KCNH7: variants seen among roughly 807,000 people sequenced by gnomAD.
KCNH7 encodes potassium voltage-gated channel subfamily H member 7, also known as voltage-gated inwardly rectifying potassium channel KCNH7.
KCNH7 carries 49 observed loss-of-function variants against 120.8 expected under a neutral mutation model. The ratio of observed to expected loss-of-function variants is 0.41; its 90% confidence interval spans 0.32 to 0.51. The LOEUF is 0.51. KCNH7 is among the 20% of genes least tolerant of loss of function. The probability of loss-of-function intolerance (pLI) is 0.38; values close to 1 mark genes in which losing one functional copy is unlikely to be tolerated. For synonymous variants in KCNH7, 547 were observed against 516.1 expected, an observed-to-expected ratio of 1.06 and a Z score of -0.81; for missense variants, 1,097 against 1,446.6, an observed-to-expected ratio of 0.76 and a Z score of 3.92.
chr2:162,489,212 G>T (rs1158551917), intron 6 of KCNH7, among the ~76,000 whole-genome samples: 1 of 152,114 alleles, frequency 6.6e-6, no homozygotes, highest in Non-Finnish European at 1.5e-5. Flanking sequence ...CATACAACAT[G>T]CTTGAAGTAG....
chr2:162,678,457 T>C (rs1685601087), intron 2 of KCNH7, among the ~76,000 whole-genome samples: 1 of 151,428 alleles, frequency 6.6e-6, no homozygotes, highest in African/African-American at 2.4e-5. Context: ...AAAAATATTC[T>C]ATGTCTAATA....
At chr2:162,779,076 T>A (rs1399725494) in intron 2 of KCNH7, among the ~76,000 whole-genome samples, 1 of 152,134 alleles carries the variant, frequency 6.6e-6, no homozygotes, top group Non-Finnish European at 1.5e-5. Context: ...TCAGTTTAAT[T>A]TGTTTTGTTT....
At chr2:162,764,339 T>C (rs1173724797) in intron 2 of KCNH7, among the ~76,000 whole-genome samples, 1 of 152,134 alleles carries the variant, frequency 6.6e-6, no homozygotes, top group Non-Finnish European at 1.5e-5. Flanking sequence ...TCATATTTTA[T>C]ATATGTATTA....
At chr2:162,593,106 C>T (rs566791259) in intron 2 of KCNH7, among the ~76,000 whole-genome samples, 1 of 152,002 alleles carries the variant, frequency 6.6e-6, no homozygotes, top group Non-Finnish European at 1.5e-5. Flanking sequence ...GTCTCTATCA[C>T]TTCATAATCA....
intron 2 of KCNH7, among the ~76,000 whole-genome samples, chr2:162,708,313 G>A (rs1371084297): frequency 6.6e-6 from 1 of 152,024 alleles, no homozygotes; most frequent in Non-Finnish European, 1.5e-5. Context: ...GAAAGTCTTG[G>A]TTTAGTAAAG....
intron 2 of KCNH7, among the ~76,000 whole-genome samples, chr2:162,765,861 A>C (rs1010499568): frequency 6.6e-6 from 1 of 152,052 alleles, no homozygotes; most frequent in Non-Finnish European, 1.5e-5. Context: ...TTGGGCTCAA[A>C]TGATCCTCCG....
At chr2:162,716,696 G>T (rs564293908) in intron 2 of KCNH7, among the ~76,000 whole-genome samples, 1 of 152,146 alleles carries the variant, frequency 6.6e-6, no homozygotes, top group East Asian at 1.9e-4. Context: ...TATACCCAGG[G>T]TATTTTATGC....
chr2:162,809,816 T>G (rs1310780595), intron 2 of KCNH7, among the ~76,000 whole-genome samples: 1 of 152,152 alleles, frequency 6.6e-6, no homozygotes, highest in Non-Finnish European at 1.5e-5. Context: ...TAGAATAACA[T>G]TAACTCATTG....
intron 2 of KCNH7, among the ~76,000 whole-genome samples, chr2:162,756,311 T>C (rs1316191168): frequency 6.6e-6 from 1 of 152,146 alleles, no homozygotes; most frequent in Non-Finnish European, 1.5e-5. Context: ...GGTTTGAATG[T>C]AAACTCTACT....
chr2:162,728,630 T>C (rs1342144825), intron 2 of KCNH7, among the ~76,000 whole-genome samples: 1 of 152,066 alleles, frequency 6.6e-6, no homozygotes, highest in Admixed American at 6.5e-5. Context: ...ACTACAAAAT[T>C]AGCCGGGCTT....
rs954977962 is a variant in KCNH7 at position 162,385,059 on chromosome 2, C to T, written c.2711-120G>A. On this transcript the variant is annotated intron_variant, in intron 12 of 15. Coordinates refer to ENST00000332142, the MANE Select transcript of KCNH7 (RefSeq NM_033272.4). Reference sequence around the variant, plus strand: ...TAGCTTTTTCCTATTGAAAATGTAGCTACTTGGGTACTCAATTTTTTAAAT... The same window carrying T: ...TAGCTTTTTCCTATTGAAAATGTAGTTACTTGGGTACTCAATTTTTTAAAT... 2.5e-5 allele frequency: 17 copies of T among 683,130 alleles called. No homozygotes were observed. The Admixed American group carries it at 5.0e-4, about 20-fold the overall frequency. 42.3% of individuals were successfully genotyped at this position (683,130 alleles called of 1,614,324 possible). A position where few individuals can be genotyped will look rare whatever the true frequency, so the allele number is the denominator to read the frequency against.
At chr2:162,668,800 C>T (rs756806562) in intron 2 of KCNH7, among the ~76,000 whole-genome samples, 39 of 152,022 alleles carry the variant, frequency 2.6e-4, no homozygotes, top group Non-Finnish European at 2.9e-5. Flanking sequence ...AACTATGAGA[C>T]AACTATAATT....
At chr2:162,573,056 AC>A (rs1217479655) in intron 2 of KCNH7, among the ~76,000 whole-genome samples, 27 of 151,940 alleles carry the variant, frequency 1.8e-4, no homozygotes, top group African/African-American at 5.1e-4. Flanking sequence ...ATAATAACAC[AC>A]TTAAAAAAAA....
At chr2:162,539,125 C>T (rs1040740724) in intron 2 of KCNH7, among the ~76,000 whole-genome samples, 3 of 151,960 alleles carry the variant, frequency 2.0e-5, no homozygotes, top group East Asian at 1.9e-4. Flanking sequence ...TGGTAACAAA[C>T]GGGATGACTT....
rs1487509652 is a variant in KCNH7, at chr2:162,783,515, A to G, written c.307+53022T>C. On this transcript the variant is annotated intron_variant, in intron 2 of 15. Transcript: ENST00000332142. ...GTTTTCAGGAAGGCTTTTCTGTAGC[A>G]GACGGAATGTGGTTTTATAGCTTGA... Among the ~76,000 whole-genome samples the G allele has an allele frequency of 3.3e-5, 5 of 152,210 alleles. No homozygotes were observed. In the East Asian group the frequency reaches 9.6e-4, roughly 29 times the overall value.
intron 2 of KCNH7, among the ~76,000 whole-genome samples, chr2:162,809,137 C>T (rs1684646445): frequency 1.3e-5 from 2 of 152,200 alleles, no homozygotes; most frequent in Non-Finnish European, 2.9e-5. Context: ...TTTTCATTGA[C>T]AACATAACAT....
intron 2 of KCNH7, among the ~76,000 whole-genome samples, chr2:162,760,708 G>C (rs1165310023): frequency 6.6e-6 from 1 of 151,978 alleles, no homozygotes; most frequent in Non-Finnish European, 1.5e-5. Context: ...GAAATGTTTA[G>C]TGTTGGTATG....
At position 162,435,669 on chromosome 2, in the gene KCNH7, G is replaced by A. The variant is rs1033554989; in HGVS notation, c.1555-72C>T. 3.5e-6 allele frequency: 5 copies of A among 1,439,306 alleles called. No individual in the cohort carries two copies. The Admixed American group carries it at 7.0e-5, about 20-fold the overall frequency. The allele number at this position is 1,439,306 out of a possible 1,614,324, so 89.2% of individuals were successfully genotyped here. On this transcript the variant is annotated intron_variant, in intron 7 of 15. Transcript: ENST00000332142. Reference sequence around the variant, plus strand: ...AAAGTACATTCATATGAAGCAAAGTGGACAAAAACAGGTTAAGACAATAGG... The same window carrying A: ...AAAGTACATTCATATGAAGCAAAGTAGACAAAAACAGGTTAAGACAATAGG...
chr2:162,831,611 G>A (rs948722584), intron 2 of KCNH7, among the ~76,000 whole-genome samples: 2 of 152,152 alleles, frequency 1.3e-5, no homozygotes, highest in African/African-American at 4.8e-5. Flanking sequence ...TCTCCTGGCA[G>A]GCCAGATTGC....
Sources: gnomAD v4.1 joint callset for allele counts (sites outside exome capture counted in the v4.1 genomes callset) on GRCh38, gnomAD v4.1.1 for gene constraint, MANE v1.5 for transcripts, NCBI Gene and HGNC (gene_info 2026-07-23, HGNC 2026-07-21) for gene names.